The following HEXA variants were observed in gnomAD, a reference collection of about 807,000 sequenced individuals.
The protein encoded by HEXA is hexosaminidase subunit alpha.
HEXA carries 54 observed loss-of-function variants against 73.3 expected under a neutral mutation model. The ratio of observed to expected loss-of-function variants is 0.74; its 90% CI spans 0.59 to 0.92. HEXA has a LOEUF of 0.92. HEXA is among the 40% of genes least tolerant of loss of function. The probability of loss-of-function intolerance (pLI) is 0.00; values close to 1 mark genes in which losing one functional copy is unlikely to be tolerated. For missense variants in HEXA, 649 were observed against 653.0 expected (o/e 0.99, Z 0.07); for synonymous variants, 230 against 246.9 (o/e 0.93, Z 0.64).
intron 13 of HEXA, 24 bp from the exon 14 acceptor site, chr15:72,344,164 G>C (rs763965658): frequency 8.7e-6 from 14 of 1,604,238 alleles, no homozygotes; most frequent in Non-Finnish European, 1.2e-5. Flanking sequence ...TGAAGAAATG[G>C]CAAGATAAGC....
intron 1 of HEXA, among the ~76,000 whole-genome samples, chr15:72,368,611 G>A (rs774243458): frequency 6.6e-6 from 1 of 152,226 alleles, no homozygotes; most frequent in Non-Finnish European, 1.5e-5. Context: ...TTGGCCAGAG[G>A]AGTCCTGGGG....
chr15:72,344,833 C>G (rs531822166), intron 13 of HEXA, among the ~76,000 whole-genome samples: 1 of 152,312 alleles, frequency 6.6e-6, no homozygotes, highest in South Asian at 2.1e-4. Flanking sequence ...AAATGACTAT[C>G]TTACACAGGC....
Position 72,343,532 on chromosome 15 carries a change from T to A in HEXA, c.*545A>T. On this transcript the variant is annotated 3_prime_UTR_variant, in exon 14 of 14. Coordinates refer to ENST00000268097, the MANE Select transcript of HEXA (RefSeq NM_000520.6). ...GGAGAATAGCTCTAGGGGAGGGAGG[T>A]GGATGAGTATGCATGGGGGAGAGGC... 6.4e-6 allele frequency: 1 copy of A among 156,108 alleles called. No individual in the cohort carries two copies. Among genetic ancestry groups the A allele is most frequent in the South Asian group, 1.9e-4 (1 of 5,358 alleles). 9.7% of individuals were successfully genotyped at this position (156,108 alleles called of 1,614,324 possible). A position where few individuals can be genotyped will look rare whatever the true frequency, so the allele number is the denominator to read the frequency against.
intron 1 of HEXA, among the ~76,000 whole-genome samples, chr15:72,372,654 A>G (rs945227698): frequency 6.6e-6 from 1 of 152,212 alleles, no homozygotes. Context: ...AACACCTCTC[A>G]ATGACAAAGA....
rs1431861885 is a variant in HEXA, at chr15:72,355,545, C to T, written c.412+14G>A. Reference sequence around the variant, plus strand: ...TCCTTTCTCTCTCTCTTTTAATCAGCCCCAATTTGTTACCTCGGAGAGCTC... The same window carrying T: ...TCCTTTCTCTCTCTCTTTTAATCAGTCCCAATTTGTTACCTCGGAGAGCTC... On this transcript the variant is annotated intron_variant, in intron 3 of 13. Coordinates refer to ENST00000268097, the MANE Select transcript of HEXA (RefSeq NM_000520.6). The T allele has an allele frequency of 1.9e-6, 3 of 1,571,988 alleles. No homozygotes were observed. Among genetic ancestry groups the T allele is most frequent in the African/African-American group, 1.3e-5 (1 of 74,174 alleles).
chr15:72,346,192 G>A, intron 12 of HEXA, 43 bp downstream of exon 12: 1 of 1,448,128 alleles, frequency 6.9e-7, no homozygotes, highest in Non-Finnish European at 9.7e-7. Context: ...GAGAACTCCT[G>A]CTCTCAGGCC....
rs377513200 is a variant in HEXA at position 72,346,759 on chromosome 15, C to G, written c.1147-49G>C. 2.5e-6 allele frequency: 4 copies of G among 1,575,294 alleles called. No individual in the cohort carries two copies. The African/African-American group carries it at 5.4e-5, about 21-fold the overall frequency. Reference sequence around the variant, plus strand: ...GTAAGGACACAAAGCTGAGGAGATTCCTGGGCCTTATTCATACACAGGCAA... The same window carrying G: ...GTAAGGACACAAAGCTGAGGAGATTGCTGGGCCTTATTCATACACAGGCAA... On this transcript the variant is annotated intron_variant, in intron 10 of 13. Transcript: ENST00000268097.
chr15:72,347,275 G>A (rs1039972791), intron 10 of HEXA, among the ~76,000 whole-genome samples: 1 of 85,380 alleles, frequency 1.2e-5, no homozygotes, highest in Non-Finnish European at 3.5e-5. Flanking sequence ...ATACCACAGC[G>A]GCCTTTGGTT....
intron 1 of HEXA, among the ~76,000 whole-genome samples, chr15:72,370,887 T>A (rs1244422532): frequency 6.6e-6 from 1 of 152,146 alleles, no homozygotes; most frequent in Non-Finnish European, 1.5e-5. Context: ...ATCACTGTAT[T>A]TCTCCTATGT....
At chr15:72,351,558 G>T in intron 5 of HEXA, 1 of 430,000 alleles carries the variant, frequency 2.3e-6, no homozygotes, top group Admixed American at 3.6e-5. Flanking sequence ...TCTTCCAAAA[G>T]CCTGAAGATC....
Position 72,365,237 on chromosome 15 carries a change from A to C in HEXA, c.254-8620T>G, listed in dbSNP as rs182566907. ...CCTGAGTAGCTGGGACCACAGGCGCACGCCACCGTGCCCGGCTAATTTTTT... is the reference window on the plus strand; with the variant it reads ...CCTGAGTAGCTGGGACCACAGGCGCCCGCCACCGTGCCCGGCTAATTTTTT... On this transcript the variant is annotated intron_variant, in intron 1 of 13. Coordinates refer to ENST00000268097, the MANE Select transcript of HEXA (RefSeq NM_000520.6). Among the ~76,000 whole-genome samples, 1,336 of 152,190 alleles carry C rather than the reference A, an allele frequency of 8.8e-3. 12 individuals carry two copies. The highest frequency in any genetic ancestry group is 0.014 in the Middle Eastern group (4 of 294).
intron 3 of HEXA, 94 bp from the exon 4 acceptor site, chr15:72,353,831 T>G (rs1283937747): frequency 9.7e-6 from 9 of 928,230 alleles, no homozygotes; most frequent in Non-Finnish European, 7.2e-6. Context: ...AGCATAACAT[T>G]TGGGTACACA....
chr15:72,350,367 T>C, intron 7 of HEXA, 151 bp downstream of exon 7: 2 of 842,676 alleles, frequency 2.4e-6, no homozygotes, highest in Admixed American at 1.7e-5. Flanking sequence ...AAGTGAGTTC[T>C]TCCTATCTAA....
At chr15:72,364,605 C>T (rs887813201) in intron 1 of HEXA, among the ~76,000 whole-genome samples, 3 of 151,878 alleles carry the variant, frequency 2.0e-5, no homozygotes, top group Admixed American at 6.6e-5. Context: ...AATGCTAGGC[C>T]ACAGGTAAGA....
chr15:72,346,545 C>T lies in HEXA; in HGVS notation c.1312G>A (p.Glu438Lys). 2.5e-6 allele frequency: 4 copies of T among 1,613,994 alleles called. No homozygotes were observed. Among genetic ancestry groups the T allele is most frequent in the Non-Finnish European group, 3.4e-6 (4 of 1,179,928 alleles). The change falls in exon 11 of 14, where the codon GAA becomes AAA. Residue 438 changes from glutamate (E) to lysine (K), a missense_variant. Physicochemically the swap from Glu to Lys is moderately conservative, Grantham distance 56. Transcript: ENST00000268097. ...GPDWKDFYIVEPLAFEGTPEQ... is the reference protein window; with the variant it reads ...GPDWKDFYIVKPLAFEGTPEQ... ...CTTTCACCTTCAAATGCCAGGGGTT[C>T]CACTATGTAGAAATCCTTCCAGTCA...
In HEXA at chr15:72,368,724, A is replaced by G. The variant is rs2088949204; in HGVS notation, c.253+6996T>C. 2.6e-5 allele frequency among the ~76,000 whole-genome samples: 4 copies of G among 152,162 alleles called. No homozygotes were observed. In the South Asian group the frequency reaches 8.3e-4, roughly 32 times the overall value. ...GAAGGCTTCACTACTGTGAGATGCC[A>G]TTCTGTATATGAACAGGCTGACACT... is the stretch of plus-strand genomic sequence containing the variant. On this transcript the variant is annotated intron_variant, in intron 1 of 13. Coordinates refer to ENST00000268097, the MANE Select transcript of HEXA (RefSeq NM_000520.6).
intron 1 of HEXA, among the ~76,000 whole-genome samples, chr15:72,363,267 C>T (rs150566508): frequency 9.2e-5 from 14 of 152,298 alleles, no homozygotes; most frequent in African/African-American, 3.4e-4. Flanking sequence ...CTGGTCCCTG[C>T]CCTTGAGGAG....
intron 1 of HEXA, chr15:72,358,233 T>C (rs2088810825): frequency 6.6e-6 from 1 of 152,184 alleles, no homozygotes; most frequent in South Asian, 2.1e-4. Flanking sequence ...CCAATATCAT[T>C]GTGTGGAGAA....
Position 72,343,715 on chromosome 15 carries a change from T to G in HEXA, c.*362A>C, listed in dbSNP as rs1595795240. ...CAGGTGTCTGGAATATGGTCAGGAGTGGGAGGGGAGTGACATAGCTCACAG... is the reference window on the plus strand; with the variant it reads ...CAGGTGTCTGGAATATGGTCAGGAGGGGGAGGGGAGTGACATAGCTCACAG... On this transcript the variant is annotated 3_prime_UTR_variant, in exon 14 of 14. Transcript: ENST00000268097. 3.2e-5 allele frequency: 10 copies of G among 309,066 alleles called. No individual in the cohort carries two copies. Among genetic ancestry groups the G allele is most frequent in the South Asian group, 1.2e-4 (4 of 33,796 alleles). The allele number at this position is 309,066 out of a possible 1,614,324, so 19.1% of individuals were successfully genotyped here.
Sources: allele counts gnomAD v4.1 joint callset (sites outside exome capture counted in the v4.1 genomes callset), GRCh38; gene constraint gnomAD v4.1.1; transcripts MANE v1.5; gene names NCBI Gene and HGNC (gene_info 2026-07-23, HGNC 2026-07-21).